GVQW3: variants seen among roughly 807,000 people sequenced by gnomAD.
The protein encoded by GVQW3 is protein GVQW3.
A neutral mutation model predicts 12.5 loss-of-function variants in GVQW3; 7 were observed. That is an observed-to-expected ratio of 0.56 (90% CI 0.32 to 1.05). The LOEUF (loss-of-function observed/expected upper bound fraction) is 1.05, where lower values mean the gene tolerates loss of function less well. Ranked by LOEUF, GVQW3 falls within the 50% of genes least tolerant of loss-of-function variation. The pLI is 0.04. For synonymous variants in GVQW3, 71 were observed against 67.2 expected, an observed-to-expected ratio of 1.06 and a Z score of -0.28; for missense variants, 188 against 190.8, an observed-to-expected ratio of 0.99 and a Z score of 0.09.
chr11:76,387,642 C>A (rs1308119014), intron 1 of GVQW3, among the ~76,000 whole-genome samples: 1 of 152,062 alleles, frequency 6.6e-6, no homozygotes, highest in African/African-American at 2.4e-5. Context: ...AATTGTGGGC[C>A]AGGCACGATG....
intron 1 of GVQW3, chr11:76,383,453 T>G (rs946639536): frequency 6.6e-6 from 1 of 152,018 alleles, no homozygotes; most frequent in African/African-American, 2.4e-5. Flanking sequence ...CCGGGGCAGG[T>G]GGAACAGCAT....
Position 76,404,909 on chromosome 11 carries a change from CTA to C in GVQW3, c.*1154_*1155del, listed in dbSNP as rs1468062480. The C allele has an allele frequency of 6.6e-6, 1 of 152,210 alleles. No individual in the cohort carries two copies. The highest frequency in any genetic ancestry group is 1.5e-5 in the Non-Finnish European group (1 of 68,060). 9.4% of individuals were successfully genotyped at this position (152,210 alleles called of 1,614,324 possible). On this transcript the variant is annotated 3_prime_UTR_variant, in exon 2 of 2. Coordinates refer to ENST00000529331, the MANE Select transcript of GVQW3 (RefSeq NM_001347885.2). ...AAGAAAAAGAAGGCATTTCAAGTCT[CTA>C]TAGGTTGGGGACTTTAATGAGTGTA...
chr11:76,393,187 A>C (rs59049570), intron 1 of GVQW3, among the ~76,000 whole-genome samples: 67 of 152,356 alleles, frequency 4.4e-4, no homozygotes, highest in African/African-American at 1.6e-3. Flanking sequence ...GAATACATAA[A>C]ATGAGGTGAT....
At position 76,405,811 on chromosome 11, in the gene GVQW3, G is replaced by C. The variant is rs1262396720; in HGVS notation, c.*2053G>C. The C allele has an allele frequency of 2.6e-5, 4 of 152,162 alleles. No individual in the cohort carries two copies. Among genetic ancestry groups the C allele is most frequent in the Non-Finnish European group, 5.9e-5 (4 of 68,110 alleles). The allele number at this position is 152,162 out of a possible 1,614,324, so 9.4% of individuals were successfully genotyped here. On this transcript the variant is annotated 3_prime_UTR_variant, in exon 2 of 2. Transcript: ENST00000529331. ...TAGGACAACAGGTGCGTGCTACCAT[G>C]CATGGCTAATTAATTAAAAGAATTT...
At chr11:76,396,590 C>G (rs1393948598) in intron 1 of GVQW3, among the ~76,000 whole-genome samples, 1 of 152,204 alleles carries the variant, frequency 6.6e-6, no homozygotes, top group Non-Finnish European at 1.5e-5. Flanking sequence ...GCTGAGATTA[C>G]AGGCATGAGC....
rs146620950 is a variant in GVQW3 at position 76,382,700 on chromosome 11, G to T, written c.465+407G>T. The T allele has an allele frequency of 5.4e-4, 248 of 456,878 alleles. 1 individual carries two copies. In the East Asian group the frequency reaches 7.0e-3, roughly 13 times the overall value. 28.3% of individuals were successfully genotyped at this position (456,878 alleles called of 1,614,324 possible). ...TGATTTCTTTTGCTCAACAAGTTTG[G>T]ATTTCTTCTCTGCCCAGACCTTAGC... is the stretch of plus-strand genomic sequence containing the variant. On this transcript the variant is annotated intron_variant, in intron 1 of 1. Coordinates refer to ENST00000529331, the MANE Select transcript of GVQW3 (RefSeq NM_001347885.2).
intron 1 of GVQW3, among the ~76,000 whole-genome samples, chr11:76,384,736 A>G (rs1431402613): frequency 6.6e-6 from 1 of 152,232 alleles, no homozygotes; most frequent in Non-Finnish European, 1.5e-5. Context: ...CAGCTCCTTA[A>G]CAGTTTCTAG....
At chr11:76,402,793 C>T (rs1947003621) in intron 1 of GVQW3, among the ~76,000 whole-genome samples, 1 of 151,556 alleles carries the variant, frequency 6.6e-6, no homozygotes, top group Non-Finnish European at 1.5e-5. Flanking sequence ...ATCACCCAGG[C>T]TCAATTGATC....
exon 2 of GVQW3, chr11:76,413,273 C>A (rs1405989766): frequency 6.6e-6 from 1 of 152,196 alleles, no homozygotes; most frequent in Non-Finnish European, 1.5e-5. Context: ...GGTGTCCACA[C>A]TGGCTTGGCA....
chr11:76,402,041 C>T (rs572326665), intron 1 of GVQW3, among the ~76,000 whole-genome samples: 45 of 152,218 alleles, frequency 3.0e-4, no homozygotes, highest in African/African-American at 1.0e-3. Context: ...GGCTTTATCT[C>T]AGTTCCAACT....
downstream of GVQW3, chr11:76,408,598 T>C (rs563298090): frequency 6.6e-6 from 1 of 152,394 alleles, no homozygotes; most frequent in South Asian, 2.1e-4. Flanking sequence ...TAAAATTATC[T>C]GGGAGCAGGG....
At chr11:76,384,137 T>C (rs1398220428) in intron 1 of GVQW3, among the ~76,000 whole-genome samples, 1 of 152,210 alleles carries the variant, frequency 6.6e-6, no homozygotes, top group Non-Finnish European at 1.5e-5. Context: ...GGTTTGGTAA[T>C]AGCATTTCAC....
In GVQW3 at chr11:76,404,829, G is replaced by C. The variant is rs553957568; in HGVS notation, c.*1071G>C. 1 of 152,326 alleles carries C rather than the reference G, an allele frequency of 6.6e-6. No individual in the cohort carries two copies. The highest frequency in any genetic ancestry group is 1.5e-5 in the Non-Finnish European group (1 of 68,094). 9.4% of individuals were successfully genotyped at this position (152,326 alleles called of 1,614,324 possible). A position where few individuals can be genotyped will look rare whatever the true frequency, so the allele number is the denominator to read the frequency against. On this transcript the variant is annotated 3_prime_UTR_variant, in exon 2 of 2. Transcript: ENST00000529331. ...TGCATCTTGCACAAAGCCTGGTCCT[G>C]AGTAGGTGCCCTGCAAAGGTGCAGG... is the stretch of plus-strand genomic sequence containing the variant.
Position 76,382,221 on chromosome 11 carries a change from A to C in GVQW3, c.393A>C (p.Lys131Asn). 4 of 1,536,152 alleles carry C rather than the reference A, an allele frequency of 2.6e-6. No homozygotes were observed. Among genetic ancestry groups the C allele is most frequent in the Non-Finnish European group, 3.5e-6 (4 of 1,146,922 alleles). ...VISGVLKGEP[K>N]PRKLDFRSDL... Reference sequence around the variant, plus strand: ...CGGGTGTTTTGAAGGGTGAGCCTAAACCACGAAAACTTGACTTTCGGTCCG... The same window carrying C: ...CGGGTGTTTTGAAGGGTGAGCCTAACCCACGAAAACTTGACTTTCGGTCCG... The change falls in exon 1 of 2, where the codon AAA (lysine) becomes AAC (asparagine). Residue 131 changes from lysine to asparagine, a missense_variant. Physicochemically the swap from Lys to Asn is moderately conservative, Grantham distance 94. Transcript: ENST00000529331.
At chr11:76,397,123 C>T (rs1173030792) in intron 1 of GVQW3, among the ~76,000 whole-genome samples, 1 of 150,742 alleles carries the variant, frequency 6.6e-6, no homozygotes, top group Non-Finnish European at 1.5e-5. Context: ...CCTGCCTTAG[C>T]CTCCCGAGTA....
downstream of GVQW3, chr11:76,411,473 C>T (rs1385447968): frequency 6.6e-5 from 10 of 152,242 alleles, no homozygotes; most frequent in Admixed American, 3.3e-4. Flanking sequence ...AAGTGTGAGG[C>T]TTGCCAAAGA....
chr11:76,409,907 C>G (rs1357048989), downstream of GVQW3, among the ~76,000 whole-genome samples: 1 of 152,132 alleles, frequency 6.6e-6, no homozygotes, highest in Non-Finnish European at 1.5e-5. Flanking sequence ...CCACCCTGCT[C>G]ATTCTTATAA....
chr11:76,408,265 G>A (rs1359482153), downstream of GVQW3: 1 of 152,168 alleles, frequency 6.6e-6, no homozygotes, highest in Non-Finnish European at 1.5e-5. Flanking sequence ...ATCAAGTGTG[G>A]AGGAAAGGAT....
At chr11:76,396,291 CTATTATTATTATTATTATTT>C (rs1946938752) in intron 1 of GVQW3, among the ~76,000 whole-genome samples, 1 of 151,212 alleles carries the variant, frequency 6.6e-6, no homozygotes, top group Non-Finnish European at 1.5e-5. Flanking sequence ...TTCTGTGCTG[CTATTATTATTATTATTATTT>C]TATTATTATT....
Sources: gnomAD v4.1 joint callset for allele counts (sites outside exome capture counted in the v4.1 genomes callset) on GRCh38, gnomAD v4.1.1 for gene constraint, MANE v1.5 for transcripts, NCBI Gene and HGNC (gene_info 2026-07-23, HGNC 2026-07-21) for gene names.